The following IQCM variants were observed in gnomAD, a reference collection of about 807,000 sequenced individuals.
The protein encoded by IQCM is IQ domain-containing protein M.
A neutral mutation model predicts 57.6 loss-of-function variants in IQCM; 45 were observed. The observed-to-expected ratio is 0.78, with a 90% confidence interval of 0.62 to 1.00. The LOEUF is 1.00. IQCM is among the 50% of genes least tolerant of loss of function. The pLI, the probability that IQCM is intolerant of heterozygous loss-of-function variation, is 0.00. For missense variants in IQCM, 468 were observed against 511.6 expected, an observed-to-expected ratio of 0.91 and a Z score of 0.82; for synonymous variants, 148 against 158.9, an observed-to-expected ratio of 0.93 and a Z score of 0.51.
intron 7 of IQCM, among the ~76,000 whole-genome samples, chr4:149,659,659 C>A (rs1759987462): frequency 6.6e-6 from 1 of 151,814 alleles, no homozygotes; most frequent in African/African-American, 2.4e-5. Flanking sequence ...CAGAACAGAG[C>A]CCTCAGAAAT....
chr4:149,623,779 T>C (rs1756557178), intron 7 of IQCM, among the ~76,000 whole-genome samples: 2 of 151,658 alleles, frequency 1.3e-5, no homozygotes, highest in African/African-American at 4.8e-5. Context: ...GTAGGCTGTA[T>C]ATTGATAGAT....
At chr4:149,572,755 T>C (rs962083437) in intron 9 of IQCM, among the ~76,000 whole-genome samples, 1 of 152,008 alleles carries the variant, frequency 6.6e-6, no homozygotes, top group Non-Finnish European at 1.5e-5. Flanking sequence ...AACATACATA[T>C]AGAAAAATGT....
chr4:149,813,125 G>T (rs1475565026), intron 2 of IQCM, among the ~76,000 whole-genome samples: 2 of 151,928 alleles, frequency 1.3e-5, no homozygotes, highest in Non-Finnish European at 2.9e-5. Context: ...TCTTAGTCCT[G>T]GCATCCCCCA....
In IQCM at chr4:149,463,121, A is replaced by G. The variant is rs142094669; in HGVS notation, c.1229-29564T>C. On this transcript the variant is annotated intron_variant, in intron 12 of 13. Coordinates refer to ENST00000636793, the MANE Select transcript of IQCM (RefSeq NM_001363507.2). Reference sequence around the variant, plus strand: ...AATTTTTTAAAAAGACATTCGCATTATATAAGAATTCCATTTATACACATG... The same window carrying G: ...AATTTTTTAAAAAGACATTCGCATTGTATAAGAATTCCATTTATACACATG... Among the ~76,000 whole-genome samples the G allele has an allele frequency of 5.5e-3, 836 of 152,342 alleles. 1 individual carries two copies. Among genetic ancestry groups the G allele is most frequent in the Non-Finnish European group, 8.6e-3 (588 of 68,032 alleles).
At chr4:149,584,770 G>C (rs1416954221) in intron 9 of IQCM, among the ~76,000 whole-genome samples, 3 of 151,734 alleles carry the variant, frequency 2.0e-5, no homozygotes, top group Non-Finnish European at 4.4e-5. Context: ...AAATGAATTT[G>C]AAATTTGCTT....
intron 12 of IQCM, among the ~76,000 whole-genome samples, chr4:149,537,127 C>G (rs1324681367): frequency 6.6e-6 from 1 of 151,812 alleles, no homozygotes; most frequent in Non-Finnish European, 1.5e-5. Flanking sequence ...AAAATTGACT[C>G]TGAATGAACT....
At chr4:149,753,239 T>C (rs1768627701) in intron 2 of IQCM, among the ~76,000 whole-genome samples, 1 of 151,632 alleles carries the variant, frequency 6.6e-6, no homozygotes, top group Non-Finnish European at 1.5e-5. Flanking sequence ...ATTTACTCCA[T>C]AGGAAACGAA....
At chr4:149,640,768 G>A (rs1012959942) in intron 7 of IQCM, among the ~76,000 whole-genome samples, 3 of 152,090 alleles carry the variant, frequency 2.0e-5, no homozygotes, top group African/African-American at 7.2e-5. Context: ...ACAATTTAAT[G>A]GAGTCGAGAA....
chr4:149,464,248 C>T (rs950390576), intron 12 of IQCM, among the ~76,000 whole-genome samples: 1 of 152,172 alleles, frequency 6.6e-6, no homozygotes, highest in Admixed American at 6.5e-5. Context: ...AGCTGGATTA[C>T]TCTTAACGCT....
chr4:149,509,009 T>C (rs1744127670), intron 12 of IQCM, among the ~76,000 whole-genome samples: 1 of 152,190 alleles, frequency 6.6e-6, no homozygotes, highest in Admixed American at 6.5e-5. Flanking sequence ...ATGTGAGATG[T>C]GCCTTTTACC....
chr4:149,579,021 T>G (rs917528144), intron 9 of IQCM, among the ~76,000 whole-genome samples: 2 of 151,878 alleles, frequency 1.3e-5, no homozygotes, highest in African/African-American at 4.8e-5. Flanking sequence ...TGCCTGAGAT[T>G]TCATTCATTC....
At chr4:149,430,958 A>T (rs931359352) in intron 13 of IQCM, among the ~76,000 whole-genome samples, 9 of 151,896 alleles carry the variant, frequency 5.9e-5, no homozygotes, top group African/African-American at 2.2e-4. Context: ...TCAGCACTTT[A>T]GGAGGCTGAG....
At chr4:149,629,156 G>A (rs139746182) in intron 7 of IQCM, among the ~76,000 whole-genome samples, 2 of 152,216 alleles carry the variant, frequency 1.3e-5, no homozygotes, top group East Asian at 3.9e-4. Context: ...TCTATAGCTT[G>A]GTCTTAAAGT....
chr4:149,587,375 T>C (rs980751), intron 9 of IQCM, among the ~76,000 whole-genome samples: 151,856 of 151,862 alleles, frequency 1, 75,925 homozygotes, highest in Non-Finnish European at 1. Flanking sequence ...AAGTATAAAA[T>C]CTGCCCTTTT....
chr4:149,375,331 T>A (rs1420828577), intron 13 of IQCM, among the ~76,000 whole-genome samples: 1 of 152,102 alleles, frequency 6.6e-6, no homozygotes, highest in African/African-American at 2.4e-5. Flanking sequence ...ATATTTCTGC[T>A]CTTGTCGTCT....
At chr4:149,510,860 C>T (rs1029483916) in intron 12 of IQCM, among the ~76,000 whole-genome samples, 1 of 152,226 alleles carries the variant, frequency 6.6e-6, no homozygotes, top group Admixed American at 6.5e-5. Flanking sequence ...CACAACATCA[C>T]TGATGGTAGT....
At chr4:149,486,542 T>C (rs1741538777) in intron 12 of IQCM, among the ~76,000 whole-genome samples, 1 of 150,640 alleles carries the variant, frequency 6.6e-6, no homozygotes, top group Non-Finnish European at 1.5e-5. Flanking sequence ...AGGTCAGGAG[T>C]TCAAGTCAGC....
chr4:149,782,122 G>T (rs1481371893), intron 2 of IQCM, among the ~76,000 whole-genome samples: 1 of 151,948 alleles, frequency 6.6e-6, no homozygotes, highest in African/African-American at 2.4e-5. Context: ...GTCCAGAGGG[G>T]CAAATAAGTT....
chr4:149,557,074 C>T (rs531771027), intron 10 of IQCM, among the ~76,000 whole-genome samples: 1 of 152,244 alleles, frequency 6.6e-6, no homozygotes, highest in African/African-American at 2.4e-5. Flanking sequence ...AATAGCAGCT[C>T]CTGATTGCCA....
Sources: allele counts gnomAD v4.1 joint callset (sites outside exome capture counted in the v4.1 genomes callset), GRCh38; gene constraint gnomAD v4.1.1; transcripts MANE v1.5; gene names NCBI Gene and HGNC (gene_info 2026-07-23, HGNC 2026-07-21).